The following FRA10AC1 variants were observed in gnomAD, a reference collection of about 807,000 sequenced individuals.
FRA10AC1 encodes the protein FRA10A associated CGG repeat 1.
In FRA10AC1, 43 loss-of-function variants were observed where a neutral mutation model predicts 56.5. That is an observed-to-expected ratio of 0.76 (90% CI 0.60 to 0.98). The LOEUF (loss-of-function observed/expected upper bound fraction) is 0.98, where lower values mean the gene tolerates loss of function less well. Ranked by LOEUF, FRA10AC1 falls within the 50% of genes least tolerant of loss-of-function variation. The pLI is 0.00. For synonymous variants in FRA10AC1, 112 were observed against 110.5 expected (o/e 1.01, Z -0.09); for missense variants, 346 against 351.8 (o/e 0.98, Z 0.13).
intron 7 of FRA10AC1, among the ~76,000 whole-genome samples, chr10:93,691,792 C>CA (rs1006726323): frequency 5.3e-5 from 8 of 151,800 alleles, no homozygotes; most frequent in Non-Finnish European, 1.0e-4. Flanking sequence ...AGCTCACAAA[C>CA]AAAAAAAAGC....
chr10:93,679,591 T>TG (rs1182393765), intron 11 of FRA10AC1, among the ~76,000 whole-genome samples: 1 of 152,002 alleles, frequency 6.6e-6, no homozygotes, highest in African/African-American at 2.4e-5. Flanking sequence ...AAAGGCTACA[T>TG]GGGGGGAGTG....
intron 1 of FRA10AC1, among the ~76,000 whole-genome samples, chr10:93,701,770 GTTC>G (rs2059336961): frequency 6.6e-6 from 1 of 151,996 alleles, no homozygotes; most frequent in African/African-American, 2.4e-5. Context: ...ATGTCCTCAC[GTTC>G]TTTACATCTT....
chr10:93,673,483 T>C (rs1006552703), intron 12 of FRA10AC1: 3 of 386,874 alleles, frequency 7.8e-6, no homozygotes, highest in African/African-American at 6.3e-5. Flanking sequence ...TTATATACAA[T>C]TTTTCCTACA....
rs762152272 is a variant in FRA10AC1, at chr10:93,676,668, C to T, written c.811G>A (p.Glu271Lys). ...TGTTACTTACTAAGTAGAGAATCTT[C>T]AGATTTCTTTGAAGATGAATGTCCT... ...DKGHSSSKKS[E>K]DSLLRNSDEE... Residue 271 changes from glutamate to lysine, a missense_variant, in exon 12 of 14, where the codon GAA becomes AAA. Coordinates refer to ENST00000359204, the MANE Select transcript of FRA10AC1 (RefSeq NM_145246.5). 1.3e-6 allele frequency: 2 copies of T among 1,566,158 alleles called. No homozygotes were observed.
chr10:93,689,055 G>C lies in FRA10AC1; in HGVS notation c.466-1606C>G, dbSNP rs545345734. On this transcript the variant is annotated intron_variant, in intron 7 of 13. Coordinates refer to ENST00000359204, the MANE Select transcript of FRA10AC1 (RefSeq NM_145246.5). ...AATGCCTTGCTAACTTCAGTTTGTT[G>C]TGGGGTTTTTTTTTTTTTTTTTTCA... Among the ~76,000 whole-genome samples the C allele has an allele frequency of 4.2e-3, 456 of 107,612 alleles. 3 individuals are homozygous for C. The highest frequency in any genetic ancestry group is 0.015 in the African/African-American group (413 of 26,996). The allele number at this position is 107,612 out of a possible 152,430, so 70.6% of individuals were successfully genotyped here. A position where few individuals can be genotyped will look rare whatever the true frequency, so the allele number is the denominator to read the frequency against.
chr10:93,701,725 T>TGGC (rs2059335926), intron 1 of FRA10AC1, among the ~76,000 whole-genome samples: 1 of 152,160 alleles, frequency 6.6e-6, no homozygotes, highest in Non-Finnish European at 1.5e-5. Context: ...TTACCACATC[T>TGGC]GTTCAAGCCA....
At chr10:93,671,954 T>C (rs2058769598) in intron 12 of FRA10AC1, 2 of 404,824 alleles carry the variant, frequency 4.9e-6, no homozygotes, top group African/African-American at 4.2e-5. Context: ...GATGACAAAA[T>C]AGATATGTTT....
intron 2 of FRA10AC1, 67 bp downstream of exon 2, chr10:93,699,959 CTTGT>C (rs1275423831): frequency 2.5e-5 from 21 of 849,424 alleles, no homozygotes; most frequent in East Asian, 1.9e-4. Context: ...AAATTTCACT[CTTGT>C]TTATTTATAC....
intron 7 of FRA10AC1, among the ~76,000 whole-genome samples, chr10:93,689,787 G>A (rs1335916097): frequency 6.6e-6 from 1 of 152,174 alleles, no homozygotes; most frequent in Non-Finnish European, 1.5e-5. Context: ...ATTTGGTGCT[G>A]AGCCTCCTTT....
At chr10:93,676,159 C>A (rs1301800131) in intron 12 of FRA10AC1, among the ~76,000 whole-genome samples, 25 of 152,112 alleles carry the variant, frequency 1.6e-4, no homozygotes, top group Admixed American at 1.6e-3. Flanking sequence ...TGCTATTCTA[C>A]CTTATTTTTC....
intron 6 of FRA10AC1, 27 bp downstream of exon 6, chr10:93,692,619 T>A: frequency 1.4e-6 from 2 of 1,388,668 alleles, no homozygotes; most frequent in Non-Finnish European, 2.0e-6. Flanking sequence ...AAGCATTTGA[T>A]GCATTACGCC....
At position 93,684,107 on chromosome 10, in the gene FRA10AC1, A is replaced by G; in HGVS notation, c.626-9T>C. The G allele has an allele frequency of 6.2e-7, 1 of 1,600,896 alleles. No individual in the cohort carries two copies. The highest frequency in any genetic ancestry group is 8.6e-7 in the Non-Finnish European group (1 of 1,169,136). ...ACATTCTTGGCATAACCCTAAAAAG[A>G]AAAGACACCACTGAATGGCTGATTT... is the stretch of plus-strand genomic sequence containing the variant. On this transcript the variant is annotated splice_polypyrimidine_tract_variant and intron_variant, in intron 9 of 13. Coordinates refer to ENST00000359204, the MANE Select transcript of FRA10AC1 (RefSeq NM_145246.5).
intron 12 of FRA10AC1, chr10:93,674,403 A>G (rs2058810796): frequency 6.6e-6 from 1 of 152,246 alleles, no homozygotes; most frequent in Non-Finnish European, 1.5e-5. Flanking sequence ...GAGGTCTGAA[A>G]TTGCCAAGAC....
rs1290469943 is a variant in FRA10AC1, at chr10:93,669,119, G to A, written c.*707C>T. On this transcript the variant is annotated 3_prime_UTR_variant, in exon 14 of 14. Coordinates refer to ENST00000359204, the MANE Select transcript of FRA10AC1 (RefSeq NM_145246.5). ...ATAACAAACTCTCTTAAGTGGTAGA[G>A]GTTAAGAAGGAAGCAAGAGACAGGC... The A allele has an allele frequency of 6.6e-6, 1 of 152,030 alleles. No homozygotes were observed. Among genetic ancestry groups the A allele is most frequent in the Non-Finnish European group, 1.5e-5 (1 of 68,046 alleles). 9.4% of individuals were successfully genotyped at this position (152,030 alleles called of 1,614,324 possible).
At chr10:93,698,450 A>G in intron 2 of FRA10AC1, 54 bp from the exon 3 acceptor site, 5 of 1,008,238 alleles carry the variant, frequency 5.0e-6, no homozygotes, top group Non-Finnish European at 7.5e-6. Flanking sequence ...TTATTTTCTA[A>G]TTCTTTATAT....
At chr10:93,697,356 T>C (rs900542202) in intron 4 of FRA10AC1, among the ~76,000 whole-genome samples, 1 of 152,224 alleles carries the variant, frequency 6.6e-6, no homozygotes, top group Non-Finnish European at 1.5e-5. Context: ...ATGGTACTTC[T>C]ATAACTTAAA....
chr10:93,693,500 A>AC (rs1439188251), intron 5 of FRA10AC1, among the ~76,000 whole-genome samples: 11 of 39,992 alleles, frequency 2.8e-4, no homozygotes, highest in African/African-American at 5.4e-4. Context: ...ATATATATAT[A>AC]TATATATACA....
intron 1 of FRA10AC1, among the ~76,000 whole-genome samples, chr10:93,701,690 CTTT>C (rs1436184360): frequency 6.6e-6 from 1 of 152,080 alleles, no homozygotes; most frequent in Admixed American, 6.6e-5. Context: ...ATTTTACACC[CTTT>C]TTTAGGTCAA....
At chr10:93,671,080 C>T (rs2058753564) in intron 12 of FRA10AC1, 1 of 422,290 alleles carries the variant, frequency 2.4e-6, no homozygotes, top group African/African-American at 2.0e-5. Flanking sequence ...CTCATCGAAA[C>T]TTCTCTAAGT....
Sources: allele counts gnomAD v4.1 joint callset (sites outside exome capture counted in the v4.1 genomes callset), GRCh38; gene constraint gnomAD v4.1.1; transcripts MANE v1.5; gene names NCBI Gene and HGNC (gene_info 2026-07-23, HGNC 2026-07-21).